Variants in SZRD1 observed in about 807,000 individuals in gnomAD.
The protein encoded by SZRD1 is SUZ RNA binding domain containing 1, also known as SUZ RNA-binding domain-containing.
SZRD1 carries 7 observed loss-of-function variants against 17.6 expected under a neutral mutation model. That is an observed-to-expected ratio of 0.40 (90% CI 0.23 to 0.75). SZRD1 has a LOEUF of 0.75. Ranked by LOEUF, SZRD1 falls within the 30% of genes least tolerant of loss-of-function variation. The pLI is 0.38. For synonymous variants in SZRD1, 77 were observed against 77.9 expected (o/e 0.99, Z 0.06); for missense variants, 178 against 201.8 (o/e 0.88, Z 0.71).
At chr1:16,392,320 C>T (rs1280063186) in intron 2 of SZRD1, among the ~76,000 whole-genome samples, 1 of 152,184 alleles carries the variant, frequency 6.6e-6, no homozygotes, top group East Asian at 1.9e-4. Context: ...TGAAGAGAAG[C>T]TGGTTGACTG....
intron 1 of SZRD1, among the ~76,000 whole-genome samples, chr1:16,373,251 C>T (rs557057127): frequency 1.4e-5 from 2 of 146,918 alleles, no homozygotes; most frequent in South Asian, 4.3e-4. Context: ...TTTTTTTAAG[C>T]AGAAGAGTGA....
In SZRD1 at chr1:16,393,170, G is replaced by A; in HGVS notation, c.102-58G>A. On this transcript the variant is annotated intron_variant, in intron 2 of 3. Transcript: ENST00000401088. This position sits in a 1 kb window ranked among gnomAD's most constrained non-coding sequence, Gnocchi z 5.6. ...GTGATGAGAGGTGGGTGTGGGACATGGACAGGGCCTCCTTAGTCAGGAGCA... is the reference window on the plus strand; with the variant it reads ...GTGATGAGAGGTGGGTGTGGGACATAGACAGGGCCTCCTTAGTCAGGAGCA... 1 of 1,590,052 alleles carries A rather than the reference G, an allele frequency of 6.3e-7. No homozygotes were observed. Among genetic ancestry groups the A allele is most frequent in the Non-Finnish European group, 8.6e-7 (1 of 1,164,344 alleles).
intron 1 of SZRD1, among the ~76,000 whole-genome samples, chr1:16,368,309 C>G (rs2082857552): frequency 6.6e-6 from 1 of 152,058 alleles, no homozygotes; most frequent in Non-Finnish European, 1.5e-5. Flanking sequence ...TCGAGCGTAC[C>G]AGGGTAGAGT....
chr1:16,395,311 GT>G lies in SZRD1; in HGVS notation c.*172del. 1.5e-6 allele frequency: 1 copy of G among 659,198 alleles called. No individual in the cohort carries two copies. The highest frequency in any genetic ancestry group is 2.8e-6 in the Non-Finnish European group (1 of 352,474). 40.8% of individuals were successfully genotyped at this position (659,198 alleles called of 1,614,324 possible). A position where few individuals can be genotyped will look rare whatever the true frequency, so the allele number is the denominator to read the frequency against. On this transcript the variant is annotated 3_prime_UTR_variant, in exon 4 of 4. Transcript: ENST00000401088. Reference sequence around the variant, plus strand: ...ACTGTGACCTTGAACCCCATGCACTGTGACCTCCCCCCTTCTCCCCCTTCCC... The same window carrying G: ...ACTGTGACCTTGAACCCCATGCACTGGACCTCCCCCCTTCTCCCCCTTCCC...
chr1:16,384,784 CAG>C (rs1318415177), intron 1 of SZRD1, among the ~76,000 whole-genome samples: 5 of 152,134 alleles, frequency 3.3e-5, no homozygotes, highest in Non-Finnish European at 5.9e-5. Flanking sequence ...TTGTGTTACT[CAG>C]GGCCTGTGGG....
chr1:16,393,478 G>C lies in SZRD1; in HGVS notation c.352G>C (p.Asp118His). The C allele has an allele frequency of 6.2e-7, 1 of 1,609,454 alleles. No homozygotes were observed. ...GGAGGAGCAGGAGAAACCCATCCTC[G>C]ACAGGTGAGTGTGGCTGGCAGGGCC... ...PEEEQEKPILDRPTRISQPED... is the reference protein window; with the variant it reads ...PEEEQEKPILHRPTRISQPED... Residue 118 changes from aspartate to histidine, a missense_variant, in exon 3 of 4, where the codon GAC (aspartate) becomes CAC (histidine). Physicochemically the swap from Asp to His is moderately conservative, Grantham distance 81 (BLOSUM62 -1). Coordinates refer to ENST00000401088, the MANE Select transcript of SZRD1 (RefSeq NM_001114600.3). This position sits in a 1 kb window ranked among gnomAD's most constrained non-coding sequence, Gnocchi z 5.6.
intron 1 of SZRD1, among the ~76,000 whole-genome samples, chr1:16,374,444 G>A (rs2082965041): frequency 6.6e-6 from 1 of 152,152 alleles, no homozygotes; most frequent in African/African-American, 2.4e-5. Flanking sequence ...TGCATGGGAG[G>A]GCCTGTTCCC....
chr1:16,398,089 G>A lies in SZRD1; in HGVS notation c.*2949G>A, dbSNP rs1273557897. 2 of 817,882 alleles carry A rather than the reference G, an allele frequency of 2.4e-6. No homozygotes were observed. The highest frequency in any genetic ancestry group is 1.9e-5 in the African/African-American group (1 of 53,796). 50.7% of individuals were successfully genotyped at this position (817,882 alleles called of 1,614,324 possible). A position where few individuals can be genotyped will look rare whatever the true frequency, so the allele number is the denominator to read the frequency against. ...CCCACCCTGCACCGCGGGCTCCTGA[G>A]TCGGCAGATTAAGCATTTTATAAAT... On this transcript the variant is annotated 3_prime_UTR_variant, in exon 4 of 4. Coordinates refer to ENST00000401088, the MANE Select transcript of SZRD1 (RefSeq NM_001114600.3).
chr1:16,373,869 C>G (rs748741577), intron 1 of SZRD1, among the ~76,000 whole-genome samples: 2 of 152,162 alleles, frequency 1.3e-5, no homozygotes, highest in Non-Finnish European at 2.9e-5. Flanking sequence ...TCCCGGAGTG[C>G]TGGGATTGCA....
intron 1 of SZRD1, among the ~76,000 whole-genome samples, chr1:16,371,070 A>G (rs1053889390): frequency 6.6e-6 from 1 of 152,208 alleles, no homozygotes; most frequent in African/African-American, 2.4e-5. Context: ...AAAACAGCAA[A>G]AACTGGGTGA....
At chr1:16,375,128 G>A (rs1265187168) in intron 1 of SZRD1, among the ~76,000 whole-genome samples, 1 of 151,950 alleles carries the variant, frequency 6.6e-6, no homozygotes, top group East Asian at 1.9e-4. Context: ...CGCCCGCCTC[G>A]GCCTCCCAAA....
At chr1:16,368,760 C>T (rs145855648) in intron 1 of SZRD1, among the ~76,000 whole-genome samples, 19 of 152,300 alleles carry the variant, frequency 1.2e-4, no homozygotes, top group African/African-American at 4.6e-4. Context: ...TACCACTAAT[C>T]TGAGTGAATC....
Position 16,397,653 on chromosome 1 carries a change from C to G in SZRD1, c.*2513C>G, listed in dbSNP as rs1406707685. The G allele has an allele frequency of 6.6e-6, 1 of 152,482 alleles. No individual in the cohort carries two copies. Among genetic ancestry groups the G allele is most frequent in the Non-Finnish European group, 1.5e-5 (1 of 68,274 alleles). 9.4% of individuals were successfully genotyped at this position (152,482 alleles called of 1,614,324 possible). A position where few individuals can be genotyped will look rare whatever the true frequency, so the allele number is the denominator to read the frequency against. ...CCAGCTAACCGCTTCCCATGAGCCA[C>G]TACTCTGATGTCAGCCTATAACCAA... On this transcript the variant is annotated 3_prime_UTR_variant, in exon 4 of 4. Coordinates refer to ENST00000401088, the MANE Select transcript of SZRD1 (RefSeq NM_001114600.3). This position sits in a 1 kb window ranked among gnomAD's most constrained non-coding sequence, Gnocchi z 5.4.
chr1:16,377,532 C>T (rs915594720), intron 1 of SZRD1, among the ~76,000 whole-genome samples: 3 of 146,004 alleles, frequency 2.1e-5, no homozygotes, highest in African/African-American at 7.6e-5. Context: ...TTGCAGTTAG[C>T]CAAGATCATG....
In SZRD1 at chr1:16,398,039, G is replaced by T; in HGVS notation, c.*2899G>T. Reference sequence around the variant, plus strand: ...ACCCCTGCAGTCTTACTCTGCTGGTGTAGCGGGCAGCTGCCCACTCCCACC... The same window carrying T: ...ACCCCTGCAGTCTTACTCTGCTGGTTTAGCGGGCAGCTGCCCACTCCCACC... On this transcript the variant is annotated 3_prime_UTR_variant, in exon 4 of 4. Transcript: ENST00000401088. The T allele has an allele frequency of 1.1e-6, 1 of 892,688 alleles. No homozygotes were observed. Among genetic ancestry groups the T allele is most frequent in the Non-Finnish European group, 1.3e-6 (1 of 745,462 alleles). 55.3% of individuals were successfully genotyped at this position (892,688 alleles called of 1,614,324 possible). A position where few individuals can be genotyped will look rare whatever the true frequency, so the allele number is the denominator to read the frequency against.
At chr1:16,375,565 G>A (rs1298587043) in intron 1 of SZRD1, among the ~76,000 whole-genome samples, 2 of 151,820 alleles carry the variant, frequency 1.3e-5, no homozygotes, top group African/African-American at 2.4e-5. Flanking sequence ...TGCCCACATC[G>A]GCCTCCCAAA....
At position 16,396,859 on chromosome 1, in the gene SZRD1, A is replaced by G. The variant is rs1444754693; in HGVS notation, c.*1719A>G. ...AGCTAGTCCATAGCACAGCCTTATA[A>G]CTGTAAAGCCAGGCATTGCCCATGA... On this transcript the variant is annotated 3_prime_UTR_variant, in exon 4 of 4. Transcript: ENST00000401088. The G allele has an allele frequency of 1.3e-5, 2 of 152,288 alleles. No homozygotes were observed. Among genetic ancestry groups the G allele is most frequent in the Non-Finnish European group, 2.9e-5 (2 of 68,092 alleles). The allele number at this position is 152,288 out of a possible 1,614,324, so 9.4% of individuals were successfully genotyped here. A position where few individuals can be genotyped will look rare whatever the true frequency, so the allele number is the denominator to read the frequency against.
intron 1 of SZRD1, among the ~76,000 whole-genome samples, chr1:16,371,379 A>G (rs2082909672): frequency 6.8e-6 from 1 of 147,878 alleles, no homozygotes; most frequent in South Asian, 2.2e-4. Flanking sequence ...CATCATGTAG[A>G]ATTTCTCCCC....
chr1:16,375,687 A>G (rs2100703526), intron 1 of SZRD1, among the ~76,000 whole-genome samples: 1 of 152,252 alleles, frequency 6.6e-6, no homozygotes, highest in Non-Finnish European at 1.5e-5. Context: ...CCTCCCCCCA[A>G]CAAACTCGTT....
Sources: allele counts gnomAD v4.1 joint callset (sites outside exome capture counted in the v4.1 genomes callset), GRCh38; gene constraint gnomAD v4.1.1; non-coding constraint Gnocchi (gnomAD v3.1); transcripts MANE v1.5; gene names NCBI Gene and HGNC (gene_info 2026-07-23, HGNC 2026-07-21).